The following OPCML variants were observed in gnomAD, a reference collection of about 807,000 sequenced individuals.
The protein encoded by OPCML is opioid-binding protein/cell adhesion molecule.
In OPCML, 13 loss-of-function variants were observed where a neutral mutation model predicts 37.8. That is an observed-to-expected ratio of 0.34 (90% CI 0.22 to 0.55). OPCML has a LOEUF of 0.55. Among genes scored for constraint, OPCML ranks in the 20% least tolerant of loss-of-function variants. OPCML has a pLI of 0.91. For synonymous variants in OPCML, 176 were observed against 168.8 expected (o/e 1.04, Z -0.33); for missense variants, 341 against 435.6 (o/e 0.78, Z 1.93).
At chr11:132,454,188 T>C (rs2096075591) in intron 4 of OPCML, among the ~76,000 whole-genome samples, 1 of 152,204 alleles carries the variant, frequency 6.6e-6, no homozygotes, top group South Asian at 2.1e-4. Flanking sequence ...TCTTAATTGG[T>C]CTCATTTGTA....
Position 132,420,433 on chromosome 11 carries a change from C to G in OPCML, c.917-140G>C, listed in dbSNP as rs562426438. On this transcript the variant is annotated intron_variant, in intron 7 of 7. Transcript: ENST00000524381. ...TTCCAAGTCTAAACAAAGGAAAAAG[C>G]CCATTGGGAGTATTTAGGAACTCAA... 301 of 1,412,638 alleles carry G rather than the reference C, an allele frequency of 2.1e-4. 6 individuals are homozygous for G. In the South Asian group the frequency reaches 4.7e-3, roughly 22 times the overall value. The allele number at this position is 1,412,638 out of a possible 1,614,324, so 87.5% of individuals were successfully genotyped here.
At chr11:132,761,189 C>T (rs1041756174) in intron 2 of OPCML, among the ~76,000 whole-genome samples, 6 of 148,766 alleles carry the variant, frequency 4.0e-5, no homozygotes, top group Non-Finnish European at 8.9e-5. Context: ...ATGAGCTTCC[C>T]TTTGTGAGTA....
intron 1 of OPCML, among the ~76,000 whole-genome samples, chr11:133,141,831 TTCAC>T (rs919286750): frequency 6.6e-6 from 1 of 152,238 alleles, no homozygotes; most frequent in African/African-American, 2.4e-5. Flanking sequence ...TATTTCCACC[TTCAC>T]TATCCCCTAA....
rs2095987754 is a variant in OPCML, at chr11:132,429,072, G to GATGA, written c.916+7013_916+7014insTCAT. 2.0e-5 allele frequency among the ~76,000 whole-genome samples: 3 copies of GATGA among 151,532 alleles called. No individual in the cohort carries two copies. The South Asian group carries it at 6.2e-4, about 31-fold the overall frequency. On this transcript the variant is annotated intron_variant, in intron 7 of 7. Coordinates refer to ENST00000524381, the MANE Select transcript of OPCML (RefSeq NM_001012393.5). ...GGATGGATGGATGGATGGATGGATG[G>GATGA]ATGGAGAGTGGCAACAGCATGATGT...
intron 1 of OPCML, among the ~76,000 whole-genome samples, chr11:133,133,398 C>A (rs77665383): frequency 0.018 from 2,816 of 152,294 alleles, 47 homozygotes; most frequent in Non-Finnish European, 0.028. Context: ...CTGTCAGCTG[C>A]TAAACATTTT....
intron 1 of OPCML, among the ~76,000 whole-genome samples, chr11:133,078,413 A>G (rs1213122237): frequency 6.6e-6 from 1 of 152,252 alleles, no homozygotes; most frequent in Non-Finnish European, 1.5e-5. Flanking sequence ...TGCAGGGACT[A>G]CAGCAGAGAC....
intron 1 of OPCML, among the ~76,000 whole-genome samples, chr11:133,513,838 A>G (rs1948209022): frequency 6.6e-6 from 1 of 152,206 alleles, no homozygotes; most frequent in Non-Finnish European, 1.5e-5. Flanking sequence ...TGGTTCATGA[A>G]AAGATCTTAA....
chr11:133,398,804 A>C (rs1945340216), intron 1 of OPCML, among the ~76,000 whole-genome samples: 1 of 152,062 alleles, frequency 6.6e-6, no homozygotes, highest in South Asian at 2.1e-4. Flanking sequence ...TGCAAACACC[A>C]ACCAATGCTT....
At chr11:133,402,916 A>C (rs1394414274) in intron 1 of OPCML, among the ~76,000 whole-genome samples, 1 of 152,142 alleles carries the variant, frequency 6.6e-6, no homozygotes, top group Non-Finnish European at 1.5e-5. Context: ...TTTCTCCTCT[A>C]ACTTCTGCCC....
In OPCML at chr11:132,769,732, G is replaced by A. The variant is rs77473867; in HGVS notation, c.147-112413C>T. On this transcript the variant is annotated intron_variant, in intron 2 of 7. Coordinates refer to ENST00000524381, the MANE Select transcript of OPCML (RefSeq NM_001012393.5). The stretch of plus-strand genomic sequence containing the variant: ...GCGCACCCACACCAAAGCTGACTTC[G>A]ATGCTTAAAGGTCGAAGCACCGGAC... Among the ~76,000 whole-genome samples the A allele has an allele frequency of 2.3e-3, 350 of 152,174 alleles. 3 individuals carry two copies. Among genetic ancestry groups the A allele is most frequent in the African/African-American group, 7.8e-3 (326 of 41,536 alleles).
intron 4 of OPCML, among the ~76,000 whole-genome samples, chr11:132,447,953 A>C (rs184771878): frequency 6.6e-6 from 1 of 152,350 alleles, no homozygotes; most frequent in Admixed American, 6.5e-5. Flanking sequence ...TTGGAGCCTA[A>C]GCCAACCAGA....
chr11:132,634,151 T>C (rs540631074), intron 3 of OPCML, among the ~76,000 whole-genome samples: 2 of 152,176 alleles, frequency 1.3e-5, no homozygotes, highest in Non-Finnish European at 2.9e-5. Flanking sequence ...CCCTGGATCC[T>C]ACTAATTAAG....
At chr11:133,321,450 G>T (rs1438508387) in intron 1 of OPCML, among the ~76,000 whole-genome samples, 4 of 152,160 alleles carry the variant, frequency 2.6e-5, no homozygotes, top group Non-Finnish European at 5.9e-5. Flanking sequence ...GTATCAGACT[G>T]CCAGTGTACA....
intron 4 of OPCML, among the ~76,000 whole-genome samples, chr11:132,506,181 AT>A (rs1486800708): frequency 9.8e-5 from 15 of 152,316 alleles, no homozygotes; most frequent in African/African-American, 3.6e-4. Flanking sequence ...AAATACTCCA[AT>A]TGCATTTGAC....
chr11:132,719,381 G>A (rs534347955), intron 2 of OPCML, among the ~76,000 whole-genome samples: 108 of 152,328 alleles, frequency 7.1e-4, no homozygotes, highest in African/African-American at 2.5e-3. Flanking sequence ...GATTCATTGA[G>A]AGACTGACGA....
At chr11:132,675,345 C>T (rs1184569540) in intron 2 of OPCML, among the ~76,000 whole-genome samples, 22 of 151,918 alleles carry the variant, frequency 1.4e-4, no homozygotes, top group Non-Finnish European at 7.4e-5. Context: ...CACAATGACA[C>T]AATGTATAGC....
intron 1 of OPCML, among the ~76,000 whole-genome samples, chr11:133,131,148 A>G (rs1949597761): frequency 6.6e-6 from 1 of 152,140 alleles, no homozygotes. Context: ...TCTGTGAACC[A>G]GGAAGCAGGC....
intron 1 of OPCML, among the ~76,000 whole-genome samples, chr11:132,960,147 C>T (rs953634479): frequency 1.3e-5 from 2 of 152,194 alleles, no homozygotes; most frequent in East Asian, 1.9e-4. Context: ...CAATGTACTG[C>T]GTGCACGCAG....
At position 132,573,208 on chromosome 11, in the gene OPCML, T is replaced by G. The variant is rs114892100; in HGVS notation, c.380-44022A>C. ...AACAGTTATAATTTTGTCTCTTCCT[T>G]TCCAATTTGGATGTTTTTTAAACCT... is the stretch of plus-strand genomic sequence containing the variant. On this transcript the variant is annotated intron_variant, in intron 3 of 7. Coordinates refer to ENST00000524381, the MANE Select transcript of OPCML (RefSeq NM_001012393.5). 4.1e-4 allele frequency among the ~76,000 whole-genome samples: 63 copies of G among 152,042 alleles called. 1 individual carries two copies. Among genetic ancestry groups the G allele is most frequent in the African/African-American group, 1.4e-3 (59 of 41,536 alleles).
Sources: allele counts gnomAD v4.1 joint callset (sites outside exome capture counted in the v4.1 genomes callset), GRCh38; gene constraint gnomAD v4.1.1; transcripts MANE v1.5; gene names NCBI Gene and HGNC (gene_info 2026-07-23, HGNC 2026-07-21).